COL23A1: variants seen among roughly 807,000 people sequenced by gnomAD.
COL23A1 encodes collagen type XXIII alpha 1 chain.
A neutral mutation model predicts 99.3 loss-of-function variants in COL23A1; 97 were observed. That is an observed-to-expected ratio of 0.98 (90% confidence interval 0.83 to 1.16). The LOEUF (loss-of-function observed/expected upper bound fraction) is 1.16. COL23A1 is among the 50% of genes most tolerant of loss of function. COL23A1 has a pLI of 0.00. For missense variants in COL23A1, 762 were observed against 757.4 expected (o/e 1.01, Z -0.07); for synonymous variants, 320 against 308.2 (o/e 1.04, Z -0.40).
chr5:178,560,782 G>A, intron 1 of COL23A1, 34 bp from the exon 2 acceptor site: 2 of 1,579,784 alleles, frequency 1.3e-6, no homozygotes, highest in Non-Finnish European at 1.7e-6. Flanking sequence ...AAAAAACGAG[G>A]AGAGAATGAG....
chr5:178,451,028 C>T (rs557114797), intron 2 of COL23A1, among the ~76,000 whole-genome samples: 1 of 152,158 alleles, frequency 6.6e-6, no homozygotes, highest in South Asian at 2.1e-4. Context: ...AATTATAGGT[C>T]TCTATGTTAT....
At chr5:178,424,565 G>A (rs1254427555) in intron 2 of COL23A1, among the ~76,000 whole-genome samples, 2 of 152,182 alleles carry the variant, frequency 1.3e-5, no homozygotes, top group Non-Finnish European at 2.9e-5. Context: ...CTAGGGCCAG[G>A]ACAAGACACA....
At chr5:178,285,341 AG>A in intron 5 of COL23A1, among the ~76,000 whole-genome samples, 1 of 152,354 alleles carries the variant, frequency 6.6e-6, no homozygotes, top group East Asian at 1.9e-4. Flanking sequence ...AAGAGAAAAA[AG>A]TAAGTCCTCC....
intron 2 of COL23A1, among the ~76,000 whole-genome samples, chr5:178,414,355 C>T (rs1211552280): frequency 6.6e-6 from 1 of 151,946 alleles, no homozygotes; most frequent in African/African-American, 2.4e-5. Flanking sequence ...CACCACCTGG[C>T]AGAGGGTCTG....
rs55664531 is a variant in COL23A1 at position 178,311,737 on chromosome 5, TG to T, written c.362-4819del. ...AACTGTTTTTTGTTTTGTTTTGTTT[TG>T]TTTTTTTTTTGAGACGGAGTCTCAC... On this transcript the variant is annotated intron_variant, in intron 2 of 28. Transcript: ENST00000390654. Among the ~76,000 whole-genome samples the T allele has an allele frequency of 4.3e-4, 8 of 18,656 alleles. 1 individual carries two copies. The South Asian group carries it at 5.2e-3, about 12-fold the overall frequency. The allele number at this position is 18,656 out of a possible 152,430, so 12.2% of individuals were successfully genotyped here. A position where few individuals can be genotyped will look rare whatever the true frequency, so the allele number is the denominator to read the frequency against.
rs1206523514 is a variant in COL23A1 at position 178,528,589 on chromosome 5, G to A, written c.361+32093C>T. ...AGCACTTTGGGAGGCCGAGGCGGGT[G>A]GGTCACAAGGTCAGAGTTTGAGACC... On this transcript the variant is annotated intron_variant, in intron 2 of 28. Coordinates refer to ENST00000390654, the MANE Select transcript of COL23A1 (RefSeq NM_173465.4). 3.3e-5 allele frequency among the ~76,000 whole-genome samples: 5 copies of A among 152,210 alleles called. No homozygotes were observed. The South Asian group carries it at 8.3e-4, about 25-fold the overall frequency.
chr5:178,462,308 T>C (rs1756165177), intron 2 of COL23A1, among the ~76,000 whole-genome samples: 1 of 152,234 alleles, frequency 6.6e-6, no homozygotes, highest in Admixed American at 6.5e-5. Context: ...GCATTTACTC[T>C]GGTCAGTAAT....
At chr5:178,300,975 G>A (rs985641708) in intron 3 of COL23A1, among the ~76,000 whole-genome samples, 1 of 152,016 alleles carries the variant, frequency 6.6e-6, no homozygotes, top group Non-Finnish European at 1.5e-5. Context: ...GTAGATTAAT[G>A]GTTTTCTTCA....
intron 2 of COL23A1, among the ~76,000 whole-genome samples, chr5:178,347,714 C>G (rs1761056605): frequency 6.6e-6 from 1 of 151,786 alleles, no homozygotes; most frequent in African/African-American, 2.4e-5. Flanking sequence ...AACCCTGTCT[C>G]TACTAAAAGT....
At chr5:178,290,502 A>G in intron 3 of COL23A1, 133 bp from the exon 4 acceptor site, 1 of 1,190,644 alleles carries the variant, frequency 8.4e-7, no homozygotes, top group African/African-American at 1.5e-5. Flanking sequence ...TGATGCTGCC[A>G]TGGCTGTTTC....
In COL23A1 at chr5:178,384,637, G is replaced by T. The variant is rs4526122; in HGVS notation, c.362-77718C>A. On this transcript the variant is annotated intron_variant, in intron 2 of 28. Coordinates refer to ENST00000390654, the MANE Select transcript of COL23A1 (RefSeq NM_173465.4). The surrounding 1 kb of genome is among the most constrained non-coding windows in gnomAD (Gnocchi z 5.5). ...TGACATGGGAAACCAAGGCTCAGAGGGGGCAGGGCCGGGACTTGGACTCAG... is the reference window on the plus strand; with the variant it reads ...TGACATGGGAAACCAAGGCTCAGAGTGGGCAGGGCCGGGACTTGGACTCAG... 1.3e-5 allele frequency among the ~76,000 whole-genome samples: 2 copies of T among 152,178 alleles called. No individual in the cohort carries two copies. The highest frequency in any genetic ancestry group is 2.1e-4 in the South Asian group (1 of 4,828).
intron 2 of COL23A1, among the ~76,000 whole-genome samples, chr5:178,314,020 C>T (rs1758845876): frequency 6.6e-6 from 1 of 152,038 alleles, no homozygotes; most frequent in Non-Finnish European, 1.5e-5. Context: ...GCCCTCTGTC[C>T]CTTGGAGGAG....
intron 25 of COL23A1, among the ~76,000 whole-genome samples, chr5:178,243,979 A>T (rs1487641255): frequency 6.6e-6 from 1 of 152,028 alleles, no homozygotes; most frequent in African/African-American, 2.4e-5. Context: ...TTGCTCTCCC[A>T]GGTAATGTTC....
intron 7 of COL23A1, among the ~76,000 whole-genome samples, chr5:178,267,658 C>G (rs766454570): frequency 1.1e-4 from 16 of 152,116 alleles, no homozygotes; most frequent in Non-Finnish European, 1.6e-4. Context: ...CTGGAAGGGA[C>G]GGTAATGAGT....
intron 2 of COL23A1, among the ~76,000 whole-genome samples, chr5:178,320,201 C>G (rs1379885900): frequency 6.6e-5 from 10 of 152,256 alleles, no homozygotes; most frequent in Non-Finnish European, 1.5e-5. Context: ...TGGTTTCTCT[C>G]TTCTTGCTGG....
chr5:178,240,275 G>A (rs537124995), intron 27 of COL23A1, among the ~76,000 whole-genome samples: 19 of 152,362 alleles, frequency 1.2e-4, no homozygotes, highest in African/African-American at 4.6e-4. Context: ...CAGACACTGG[G>A]CATCCCCTGG....
chr5:178,276,097 G>T (rs1756571233), intron 5 of COL23A1, among the ~76,000 whole-genome samples: 1 of 152,164 alleles, frequency 6.6e-6, no homozygotes, highest in Admixed American at 6.5e-5. Flanking sequence ...AGTACATTCG[G>T]GATGTGGAGT....
intron 2 of COL23A1, among the ~76,000 whole-genome samples, chr5:178,389,021 C>G (rs1470278094): frequency 6.6e-6 from 1 of 152,148 alleles, no homozygotes. Flanking sequence ...GGATCACTAA[C>G]TAAAGGCTAA....
intron 8 of COL23A1, 125 bp from the exon 9 acceptor site, chr5:178,263,449 G>A (rs940775411): frequency 3.1e-6 from 2 of 640,856 alleles, no homozygotes; most frequent in African/African-American, 3.7e-5. Flanking sequence ...TCAAAGGGGA[G>A]GGCTTTGTTA....
Sources: allele counts gnomAD v4.1 joint callset (sites outside exome capture counted in the v4.1 genomes callset), GRCh38; gene constraint gnomAD v4.1.1; non-coding constraint Gnocchi (gnomAD v3.1); transcripts MANE v1.5; gene names NCBI Gene and HGNC (gene_info 2026-07-23, HGNC 2026-07-21).